The following SRGAP2 variants were observed in gnomAD, a reference collection of about 807,000 sequenced individuals.
SRGAP2 encodes the protein SLIT-ROBO Rho GTPase activating protein 2, also known as SLIT-ROBO Rho GTPase-activating protein 2.
In SRGAP2, 15 loss-of-function variants were observed where a neutral mutation model predicts 57.2. That is an observed-to-expected ratio of 0.26 (90% CI 0.18 to 0.40). SRGAP2 has a LOEUF of 0.40. Ranked by LOEUF, SRGAP2 falls within the 10% of genes least tolerant of loss-of-function variation. The probability of loss-of-function intolerance (pLI) is 1.00; values close to 1 mark genes in which losing one functional copy is unlikely to be tolerated. For missense variants in SRGAP2, 520 were observed against 669.6 expected (o/e 0.78, Z 2.47); for synonymous variants, 249 against 248.0 (o/e 1.00, Z -0.04).
At chr1:206,339,897 C>T (rs1172860274) in intron 3 of SRGAP2, among the ~76,000 whole-genome samples, 1 of 150,548 alleles carries the variant, frequency 6.6e-6, no homozygotes, top group Non-Finnish European at 1.5e-5. Flanking sequence ...TCAAGTGATT[C>T]TCCTGCCTCA....
intron 4 of SRGAP2, among the ~76,000 whole-genome samples, chr1:206,357,558 C>T (rs1357137301): frequency 6.9e-6 from 1 of 144,758 alleles, no homozygotes; most frequent in Non-Finnish European, 1.5e-5. Context: ...TCATATATTC[C>T]TTATGGTTCT....
chr1:206,355,919 A>G (rs1676394997), intron 4 of SRGAP2, among the ~76,000 whole-genome samples: 1 of 152,058 alleles, frequency 6.6e-6, no homozygotes. Context: ...GTGAGCCAAG[A>G]TTGTGCCATT....
intron 7 of SRGAP2, among the ~76,000 whole-genome samples, chr1:206,398,146 C>T (rs1332287310): frequency 2.0e-5 from 3 of 150,692 alleles, no homozygotes; most frequent in Non-Finnish European, 4.4e-5. Flanking sequence ...AGCGTGGCCA[C>T]AGAACTCATC....
At chr1:206,425,821 C>G (rs1242119163) in intron 13 of SRGAP2, among the ~76,000 whole-genome samples, 1 of 151,442 alleles carries the variant, frequency 6.6e-6, no homozygotes, top group African/African-American at 2.4e-5. Flanking sequence ...AGGCGTGAGC[C>G]ACTGCACCCT....
intron 2 of SRGAP2, among the ~76,000 whole-genome samples, chr1:206,254,165 G>T (rs1669034942): frequency 1.3e-5 from 1 of 76,382 alleles, no homozygotes; most frequent in African/African-American, 7.2e-5. Context: ...CTCACATTCT[G>T]TCTTGCTTTT....
intron 13 of SRGAP2, among the ~76,000 whole-genome samples, chr1:206,428,455 A>G (rs892927700): frequency 1.3e-5 from 2 of 151,616 alleles, no homozygotes; most frequent in Middle Eastern, 3.4e-3. Context: ...GAAATTGTAT[A>G]TATAAAATAA....
rs1463583865 is a variant in SRGAP2, at chr1:206,302,219, G to A, written c.68-1062G>A. ...ATGGCTCCATTCTGACTCAGATGGGGATTGGGACATAACTTCAGCAGGATA... is the reference window on the plus strand; with the variant it reads ...ATGGCTCCATTCTGACTCAGATGGGAATTGGGACATAACTTCAGCAGGATA... On this transcript the variant is annotated intron_variant, in intron 2 of 22. Transcript: ENST00000573034. Among the ~76,000 whole-genome samples the A allele has an allele frequency of 9.5e-4, 132 of 138,274 alleles. 1 individual carries two copies. Among genetic ancestry groups the A allele is most frequent in the Admixed American group, 1.6e-3 (23 of 14,220 alleles). The allele number at this position is 138,274 out of a possible 152,430, so 90.7% of individuals were successfully genotyped here. A position where few individuals can be genotyped will look rare whatever the true frequency, so the allele number is the denominator to read the frequency against.
chr1:206,359,798 CTTTTTTTTTTTTTTT>C (rs1166916482), intron 4 of SRGAP2, among the ~76,000 whole-genome samples: 11 of 70,230 alleles, frequency 1.6e-4, no homozygotes, highest in Non-Finnish European at 1.5e-4. Context: ...GGATATTGCT[CTTTTTTTTTTTTTTT>C]TTTTTTTTTT....
chr1:206,228,808 G>T (rs1238260231), intron 2 of SRGAP2, among the ~76,000 whole-genome samples: 2 of 148,236 alleles, frequency 1.3e-5, no homozygotes, highest in Non-Finnish European at 1.5e-5. Context: ...CCCTAGCAGG[G>T]TAATTCCATC....
intron 22 of SRGAP2, 65 bp downstream of exon 22, chr1:206,459,012 A>T (rs1324657323): frequency 3.1e-6 from 2 of 652,644 alleles, no homozygotes; most frequent in Non-Finnish European, 5.7e-6. Flanking sequence ...AGTGCCACCC[A>T]CCTAATTATG....
At chr1:206,370,470 A>G (rs1553342388) in intron 4 of SRGAP2, among the ~76,000 whole-genome samples, 1 of 152,206 alleles carries the variant, frequency 6.6e-6, no homozygotes, top group Non-Finnish European at 1.5e-5. Context: ...TACCCTGAAA[A>G]CATTGTAAGT....
At chr1:206,209,553 T>A (rs1666177579) in intron 2 of SRGAP2, among the ~76,000 whole-genome samples, 1 of 152,162 alleles carries the variant, frequency 6.6e-6, no homozygotes, top group Non-Finnish European at 1.5e-5. Flanking sequence ...TTAAAAACCA[T>A]CATTGTTTCT....
chr1:206,425,026 T>A (rs1176665640), intron 13 of SRGAP2, among the ~76,000 whole-genome samples: 3 of 152,226 alleles, frequency 2.0e-5, no homozygotes, highest in Non-Finnish European at 4.4e-5. Context: ...TTGCCCTGTT[T>A]CCTGCCAACC....
chr1:206,285,770 C>G (rs1174312343), intron 2 of SRGAP2, among the ~76,000 whole-genome samples: 5 of 152,076 alleles, frequency 3.3e-5, no homozygotes, highest in Admixed American at 3.3e-4. Context: ...TGGGCTCAAG[C>G]GGTTCTCATG....
At chr1:206,449,912 A>G (rs1558446751) in intron 18 of SRGAP2, among the ~76,000 whole-genome samples, 1 of 152,228 alleles carries the variant, frequency 6.6e-6, no homozygotes. Context: ...CAGTATATAG[A>G]TGAGGCAGCT....
At chr1:206,451,765 G>A (rs180909149) in intron 19 of SRGAP2, among the ~76,000 whole-genome samples, 391 of 152,212 alleles carry the variant, frequency 2.6e-3, no homozygotes, top group Middle Eastern at 0.01. Context: ...AGATATGGCC[G>A]CTATTTTACA....
intron 17 of SRGAP2, among the ~76,000 whole-genome samples, chr1:206,444,430 C>T (rs1662579399): frequency 6.6e-6 from 1 of 152,190 alleles, no homozygotes. Flanking sequence ...TGACTCAGGA[C>T]TCTCAGGACT....
At chr1:206,385,761 G>A (rs1656167019) in intron 5 of SRGAP2, among the ~76,000 whole-genome samples, 1 of 152,266 alleles carries the variant, frequency 6.6e-6, no homozygotes, top group Non-Finnish European at 1.5e-5. Flanking sequence ...TGCTACCTCT[G>A]ACTGCAGACT....
chr1:206,333,538 T>C lies in SRGAP2; in HGVS notation c.261-9308T>C, dbSNP rs1400602969. ...CCCTCTACCTCCGTCTCTATTTATT[T>C]ATTTTTTAAGAGACAGGTCCTATGT... On this transcript the variant is annotated intron_variant, in intron 3 of 22. Transcript: ENST00000573034. The C allele has an allele frequency of 9.3e-6, 9 of 967,656 alleles. No homozygotes were observed. The African/African-American group carries it at 1.5e-4, about 16-fold the overall frequency. The allele number at this position is 967,656 out of a possible 1,614,324, so 59.9% of individuals were successfully genotyped here. A position where few individuals can be genotyped will look rare whatever the true frequency, so the allele number is the denominator to read the frequency against.
Sources: allele counts gnomAD v4.1 joint callset (sites outside exome capture counted in the v4.1 genomes callset), GRCh38; gene constraint gnomAD v4.1.1; transcripts MANE v1.5; gene names NCBI Gene and HGNC (gene_info 2026-07-23, HGNC 2026-07-21).